DUXB: variants seen among roughly 807,000 people sequenced by gnomAD.
DUXB encodes the protein double homeobox B, also known as double homeobox protein B.
DUXB carries 22 observed loss-of-function variants against 8.9 expected under a neutral mutation model. The ratio of observed to expected loss-of-function variants is 2.46; its 90% CI spans 1.76 to 3.52. The LOEUF is 3.52. Among genes scored for constraint, DUXB ranks in the 30% most tolerant of loss-of-function variants. The pLI, the probability that DUXB is intolerant of heterozygous loss-of-function variation, is 0.00. For missense variants in DUXB, 237 were observed against 108.7 expected, an observed-to-expected ratio of 2.18 and a Z score of -5.25; for synonymous variants, 84 against 37.6, an observed-to-expected ratio of 2.23 and a Z score of -4.52.
At chr16:75,697,702 C>T (rs1057219570) in intron 2 of DUXB, among the ~76,000 whole-genome samples, 1 of 152,200 alleles carries the variant, frequency 6.6e-6, no homozygotes, top group African/African-American at 2.4e-5. Context: ...CTAAAGCTGG[C>T]GTCCTCAACC....
rs181386452 is a variant in DUXB at position 75,694,413 on chromosome 16, G to T, written c.554C>A (p.Pro185Gln). The T allele has an allele frequency of 3.6e-5, 25 of 698,622 alleles. No individual in the cohort carries two copies. Among genetic ancestry groups the T allele is most frequent in the African/African-American group, 3.3e-4 (19 of 56,992 alleles). 43.3% of individuals were successfully genotyped at this position (698,622 alleles called of 1,614,324 possible). ...ERPDATVGWH[P>Q]INLFLPTDSS... ...GTCTGTGGGGAGGAACAGGTTGATT[G>T]GATGCCACCCAACAGTTGCATCTGG... The change falls in exon 5 of 5, where the codon CCA (proline) becomes CAA (glutamine). Residue 185 changes from proline to glutamine, a missense_variant. By Grantham distance (76) the Pro-to-Gln change is moderately conservative (BLOSUM62 -1). Coordinates refer to ENST00000633875, the MANE Select transcript of DUXB (RefSeq NM_001351307.2).
intron 2 of DUXB, among the ~76,000 whole-genome samples, chr16:75,697,548 C>T (rs1223726746): frequency 6.6e-6 from 1 of 152,158 alleles, no homozygotes; most frequent in East Asian, 1.9e-4. Flanking sequence ...TGCTTGTTTC[C>T]TCATTACTAG....
At chr16:75,698,302 C>T (rs1959195067) in intron 2 of DUXB, among the ~76,000 whole-genome samples, 1 of 152,176 alleles carries the variant, frequency 6.6e-6, no homozygotes, top group Non-Finnish European at 1.5e-5. Flanking sequence ...TTGCCTCTCA[C>T]ATCCAGTATA....
At position 75,700,141 on chromosome 16, in the gene DUXB, G is replaced by A. The variant is rs1567523225; in HGVS notation, c.54C>T (p.Asn18=). 1 of 702,270 alleles carries A rather than the reference G, an allele frequency of 1.4e-6. No individual in the cohort carries two copies. The highest frequency in any genetic ancestry group is 1.7e-5 in the African/African-American group (1 of 57,224). The allele number at this position is 702,270 out of a possible 1,614,324, so 43.5% of individuals were successfully genotyped here. ...GGILQKEFWR[N]RIQYNQSQKD... ...TTTGACTCTGGTTATACTGAATTCT[G>A]TTTCTCCAGAATTCTTTTTGAAGTA... Residue 18 remains asparagine, a synonymous_variant, in exon 2 of 5, where the codon AAC becomes AAT. Coordinates refer to ENST00000633875, the MANE Select transcript of DUXB (RefSeq NM_001351307.2).
chr16:75,698,401 A>G (rs1388788075), intron 2 of DUXB: 2 of 152,244 alleles, frequency 1.3e-5, no homozygotes, highest in African/African-American at 4.8e-5. Context: ...GAGACTATAC[A>G]TATGATGCAA....
intron 2 of DUXB, among the ~76,000 whole-genome samples, chr16:75,699,368 A>G (rs1321154048): frequency 6.6e-6 from 1 of 152,204 alleles, no homozygotes; most frequent in East Asian, 1.9e-4. Flanking sequence ...ATATTCTAAT[A>G]CTAAAATATA....
At chr16:75,700,821 C>G (rs1268937587) in intron 1 of DUXB, among the ~76,000 whole-genome samples, 2 of 152,064 alleles carry the variant, frequency 1.3e-5, no homozygotes, top group African/African-American at 2.4e-5. Flanking sequence ...AATTATTACT[C>G]TGTATTTTTA....
Position 75,700,038 on chromosome 16 carries a change from C to T in DUXB, c.157G>A (p.Gly53Arg). ...AAREQLAKEI[G>R]VPESNIQVWF... ...ACCTGAATATTAGATTCTGGAACCC[C>T]AATTTCTTTGGCCAGTTGTTCTCTG... is the stretch of plus-strand genomic sequence containing the variant. The change falls in exon 2 of 5, where the codon GGG (glycine) becomes AGG (arginine). Residue 53 changes from glycine (G) to arginine (R), a missense_variant. Coordinates refer to ENST00000633875, the MANE Select transcript of DUXB (RefSeq NM_001351307.2). The T allele has an allele frequency of 2.9e-6, 2 of 700,050 alleles. No homozygotes were observed. Among genetic ancestry groups the T allele is most frequent in the Middle Eastern group, 2.3e-4 (1 of 4,348 alleles). The allele number at this position is 700,050 out of a possible 1,614,324, so 43.4% of individuals were successfully genotyped here. A position where few individuals can be genotyped will look rare whatever the true frequency, so the allele number is the denominator to read the frequency against.
chr16:75,700,100 G>C lies in DUXB; in HGVS notation c.95C>G (p.Ser32Ter). ...AGGGAAAGGGTCATGTTGAAACCATGATTGGAGGATATCCTTTTGACTCTG... is the reference window on the plus strand; with the variant it reads ...AGGGAAAGGGTCATGTTGAAACCATCATTGGAGGATATCCTTTTGACTCTG... Reference protein sequence around the residue: ...YNQSQKDILQSWFQHDPFPDK... With the variant: ...YNQSQKDILQ Residue 32 changes from serine to a stop codon, truncating the protein, a stop_gained, in exon 2 of 5, where the codon TCA becomes TGA. Coordinates refer to ENST00000633875, the MANE Select transcript of DUXB (RefSeq NM_001351307.2). LOFTEE classifies it high-confidence loss of function. The C allele has an allele frequency of 1.4e-6, 1 of 702,902 alleles. No homozygotes were observed. The highest frequency in any genetic ancestry group is 2.6e-6 in the Non-Finnish European group (1 of 384,966). The allele number at this position is 702,902 out of a possible 1,614,324, so 43.5% of individuals were successfully genotyped here. A position where few individuals can be genotyped will look rare whatever the true frequency, so the allele number is the denominator to read the frequency against.
At chr16:75,699,320 CCA>C (rs1447140201) in intron 2 of DUXB, among the ~76,000 whole-genome samples, 4 of 152,192 alleles carry the variant, frequency 2.6e-5, no homozygotes, top group African/African-American at 9.6e-5. Flanking sequence ...CATTCTTACC[CCA>C]GTTTCCTTGT....
intron 4 of DUXB, 43 bp from the exon 5 acceptor site, chr16:75,694,568 A>C (rs1232592057): frequency 5.7e-6 from 4 of 702,208 alleles, no homozygotes; most frequent in Non-Finnish European, 1.0e-5. Context: ...AGACATAAGC[A>C]ATTGTAACTC....
Position 75,693,964 on chromosome 16 carries a change from G to A in DUXB, c.1003C>T (p.Leu335Phe). The A allele has an allele frequency of 2.5e-6, 1 of 400,474 alleles. No individual in the cohort carries two copies. 24.8% of individuals were successfully genotyped at this position (400,474 alleles called of 1,614,324 possible). Residue 335 changes from leucine (L) to phenylalanine (F), a missense_variant, in exon 5 of 5, where the codon CTT becomes TTT. Transcript: ENST00000633875. ...CCTTTGAGAGGGTCCCATTCAGCAA[G>A]CAGAGCCTGGCAGATCTCGTCCCAC... ...QRWDEICQAL[L>F]AEWDPLKGTH
intron 4 of DUXB, among the ~76,000 whole-genome samples, chr16:75,694,933 T>C (rs780776726): frequency 7.2e-5 from 11 of 152,210 alleles, no homozygotes; most frequent in Non-Finnish European, 1.3e-4. Context: ...CAGGAGAAGG[T>C]CCTGGAACCA....
At chr16:75,698,926 C>T (rs914164353) in intron 2 of DUXB, 1 of 152,254 alleles carries the variant, frequency 6.6e-6, no homozygotes, top group Admixed American at 6.5e-5. Flanking sequence ...TTACTGCAGC[C>T]TTGACCTCCT....
In DUXB at chr16:75,696,914, C is replaced by A; in HGVS notation, c.210G>T (p.Gln70His). The A allele has an allele frequency of 1.4e-6, 1 of 702,818 alleles. No homozygotes were observed. Among genetic ancestry groups the A allele is most frequent in the Non-Finnish European group, 2.6e-6 (1 of 384,954 alleles). 43.5% of individuals were successfully genotyped at this position (702,818 alleles called of 1,614,324 possible). The change falls in exon 3 of 5, where the codon CAG (glutamine) becomes CAT (histidine). Residue 70 changes from glutamine to histidine, a missense_variant. Coordinates refer to ENST00000633875, the MANE Select transcript of DUXB (RefSeq NM_001351307.2). ...QVWFKNYRVK[Q>H]RKLDYKCFSE... Reference sequence around the variant, plus strand: ...AGAAGCACTTATAATCCAGTTTTCTCTGTTTTACTCTGTAATTTTTAAACC... The same window carrying A: ...AGAAGCACTTATAATCCAGTTTTCTATGTTTTACTCTGTAATTTTTAAACC...
intron 2 of DUXB, among the ~76,000 whole-genome samples, chr16:75,697,427 A>G (rs879353890): frequency 1.3e-5 from 2 of 152,196 alleles, no homozygotes; most frequent in Non-Finnish European, 2.9e-5. Flanking sequence ...ACTTATCAGT[A>G]TTTCCTCTTA....
In DUXB at chr16:75,696,956, A is replaced by AG. The variant is rs1330413867; in HGVS notation, c.181-14dup. The AG allele has an allele frequency of 1.4e-6, 1 of 701,206 alleles. No individual in the cohort carries two copies. Among genetic ancestry groups the AG allele is most frequent in the Admixed American group, 2.0e-5 (1 of 49,564 alleles). The allele number at this position is 701,206 out of a possible 1,614,324, so 43.4% of individuals were successfully genotyped here. On this transcript the variant is annotated splice_polypyrimidine_tract_variant and intron_variant, in intron 2 of 4. Coordinates refer to ENST00000633875, the MANE Select transcript of DUXB (RefSeq NM_001351307.2). ...TTTTAAACCAAACCTAAGTAGGAGAAGAAGATGTGATAGTCATACAACTCA... is the reference window on the plus strand; with the variant it reads ...TTTTAAACCAAACCTAAGTAGGAGAAGGAAGATGTGATAGTCATACAACTCA...
chr16:75,694,594 A>G lies in DUXB; in HGVS notation c.442-69T>C, dbSNP rs1597208814. On this transcript the variant is annotated intron_variant, in intron 4 of 4. Coordinates refer to ENST00000633875, the MANE Select transcript of DUXB (RefSeq NM_001351307.2). Reference sequence around the variant, plus strand: ...ATTGTAACTCTGCATCAGATACTCTATAAAACAAAGGAGCTATTAACCTAA... The same window carrying G: ...ATTGTAACTCTGCATCAGATACTCTGTAAAACAAAGGAGCTATTAACCTAA... 6 of 695,834 alleles carry G rather than the reference A, an allele frequency of 8.6e-6. No individual in the cohort carries two copies. The East Asian group carries it at 1.1e-4, about 12-fold the overall frequency. 43.1% of individuals were successfully genotyped at this position (695,834 alleles called of 1,614,324 possible). A position where few individuals can be genotyped will look rare whatever the true frequency, so the allele number is the denominator to read the frequency against.
chr16:75,694,667 G>T (rs2082591472), intron 4 of DUXB, 142 bp from the exon 5 acceptor site: 1 of 610,474 alleles, frequency 1.6e-6, no homozygotes, highest in African/African-American at 1.9e-5. Context: ...TGAATCCATG[G>T]GTTCCATCTG....
Sources: gnomAD v4.1 joint callset for allele counts (sites outside exome capture counted in the v4.1 genomes callset) on GRCh38, gnomAD v4.1.1 for gene constraint, MANE v1.5 for transcripts, NCBI Gene and HGNC (gene_info 2026-07-23, HGNC 2026-07-21) for gene names.